BICRAL: variants seen among roughly 807,000 people sequenced by gnomAD.
BICRAL encodes BRD4-interacting chromatin-remodeling complex-associated protein-like.
BICRAL carries 8 observed loss-of-function variants against 91.8 expected under a neutral mutation model. The ratio of observed to expected loss-of-function variants is 0.09; its 90% CI spans 0.05 to 0.16. The LOEUF is 0.16. Among genes scored for constraint, BICRAL ranks in the 10% least tolerant of loss-of-function variants. The pLI is 1.00. For synonymous variants in BICRAL, 445 were observed against 491.1 expected, an observed-to-expected ratio of 0.91 and a Z score of 1.24; for missense variants, 1,038 against 1,310.9, an observed-to-expected ratio of 0.79 and a Z score of 3.21.
At position 42,853,778 on chromosome 6, in the gene BICRAL, A is replaced by T. The variant is rs536185129; in HGVS notation, c.2046+40A>T. On this transcript the variant is annotated intron_variant, in intron 8 of 12. Coordinates refer to ENST00000314073, the MANE Select transcript of BICRAL (RefSeq NM_001393499.1). The stretch of plus-strand genomic sequence containing the variant: ...GCATAGCCTCTTCCTAATGTTCGGC[A>T]TAATTGAATGAAAATGTAGTCGTGC... The T allele has an allele frequency of 5.9e-6, 8 of 1,365,442 alleles. No individual in the cohort carries two copies. In the South Asian group the frequency reaches 8.1e-5, roughly 14 times the overall value. 84.6% of individuals were successfully genotyped at this position (1,365,442 alleles called of 1,614,324 possible). A position where few individuals can be genotyped will look rare whatever the true frequency, so the allele number is the denominator to read the frequency against.
chr6:42,853,616 T>C, intron 7 of BICRAL, 22 bp from the exon 8 acceptor site: 1 of 1,551,608 alleles, frequency 6.4e-7, no homozygotes, highest in Non-Finnish European at 8.9e-7. Context: ...TTGAACACTG[T>C]CTCATGTATT....
Position 42,760,185 on chromosome 6 carries a change from G to A in BICRAL, c.-261+13162G>A, listed in dbSNP as rs558858221. On this transcript the variant is annotated intron_variant, in intron 1 of 14. Transcript: ENST00000614467. ...ACTGAACCTGGGAGGCGGAGGTTGCGGTGAGCTGAGGTTGCGGTGAGCTGA... is the reference window on the plus strand; with the variant it reads ...ACTGAACCTGGGAGGCGGAGGTTGCAGTGAGCTGAGGTTGCGGTGAGCTGA... Among the ~76,000 whole-genome samples, 283 of 151,894 alleles carry A rather than the reference G, an allele frequency of 1.9e-3. 1 individual carries two copies. The highest frequency in any genetic ancestry group is 3.4e-3 in the Middle Eastern group (1 of 294).
intron 1 of BICRAL, among the ~76,000 whole-genome samples, chr6:42,798,447 A>C (rs1248333753): frequency 6.6e-6 from 1 of 152,202 alleles, no homozygotes; most frequent in African/African-American, 2.4e-5. Context: ...CTGTAATCCC[A>C]GTACTTTGGT....
chr6:42,803,100 A>G (rs1387231838), intron 1 of BICRAL, among the ~76,000 whole-genome samples: 3 of 152,214 alleles, frequency 2.0e-5, no homozygotes, highest in African/African-American at 7.2e-5. Context: ...CAACTTAGAC[A>G]TTTACTTCCG....
Position 42,861,630 on chromosome 6 carries a change from A to G in BICRAL, c.2350-880A>G, listed in dbSNP as rs1316831877. On this transcript the variant is annotated intron_variant, in intron 11 of 12. Transcript: ENST00000314073. Reference sequence around the variant, plus strand: ...CTTGGGAGATTGGTTGAGCTATATTATACACATATACAACATAGAGTAAAT... The same window carrying G: ...CTTGGGAGATTGGTTGAGCTATATTGTACACATATACAACATAGAGTAAAT... Among the ~76,000 whole-genome samples, 4 of 152,346 alleles carry G rather than the reference A, an allele frequency of 2.6e-5. No homozygotes were observed. In the East Asian group the frequency reaches 5.8e-4, roughly 22 times the overall value.
chr6:42,864,988 C>A lies in BICRAL; in HGVS notation c.2782C>A (p.Leu928Met). The change falls in exon 13 of 13, where the codon CTG (leucine) becomes ATG (methionine). Residue 928 changes from leucine (L) to methionine (M), a missense_variant. Leu to Met is a conservative substitution (Grantham distance 15). Transcript: ENST00000314073. ...SEEKASRREP[L>M]KASQCSPGPE... Reference sequence around the variant, plus strand: ...AGAGAAGGCCAGCCGGAGAGAGCCTCTGAAGGCCAGTCAGTGCTCTCCCGG... The same window carrying A: ...AGAGAAGGCCAGCCGGAGAGAGCCTATGAAGGCCAGTCAGTGCTCTCCCGG... 1 of 1,614,108 alleles carries A rather than the reference C, an allele frequency of 6.2e-7. No individual in the cohort carries two copies. Among genetic ancestry groups the A allele is most frequent in the Non-Finnish European group, 8.5e-7 (1 of 1,180,030 alleles).
intron 1 of BICRAL, among the ~76,000 whole-genome samples, chr6:42,793,559 G>A (rs796892838): frequency 2.0e-5 from 3 of 151,576 alleles, no homozygotes; most frequent in African/African-American, 4.8e-5. Flanking sequence ...AAAGTGCTGG[G>A]ATTACAGGCG....
intron 1 of BICRAL, among the ~76,000 whole-genome samples, chr6:42,788,049 A>G (rs1763152319): frequency 6.6e-6 from 1 of 151,942 alleles, no homozygotes; most frequent in Non-Finnish European, 1.5e-5. Context: ...GGTGTGCACC[A>G]CTGTAACCCA....
chr6:42,757,133 G>A (rs1021768059), intron 1 of BICRAL, among the ~76,000 whole-genome samples: 65 of 152,084 alleles, frequency 4.3e-4, no homozygotes, highest in African/African-American at 1.5e-3. Flanking sequence ...TTCAAGGGAA[G>A]GAGAAATGGA....
chr6:42,813,825 C>G (rs1430232826), intron 2 of BICRAL, among the ~76,000 whole-genome samples: 4 of 151,998 alleles, frequency 2.6e-5, no homozygotes, highest in Non-Finnish European at 5.9e-5. Flanking sequence ...CCATCTCACA[C>G]TCTTTAAAGA....
At chr6:42,854,472 C>G (rs1454731443) in intron 8 of BICRAL, among the ~76,000 whole-genome samples, 2 of 152,140 alleles carry the variant, frequency 1.3e-5, no homozygotes, top group African/African-American at 4.8e-5. Context: ...GTGTGAGCCA[C>G]TGTGCCCTGT....
At chr6:42,845,171 T>TTC (rs1764958302) in intron 6 of BICRAL, among the ~76,000 whole-genome samples, 1 of 145,970 alleles carries the variant, frequency 6.9e-6, no homozygotes, top group Non-Finnish European at 1.5e-5. Context: ...TTCGGCTGCC[T>TTC]TCTCTGTTTT....
In BICRAL at chr6:42,833,915, T is replaced by C. The variant is rs143389156; in HGVS notation, c.1839+3743T>C. Reference sequence around the variant, plus strand: ...TGTTGCCCAGGCTGGAGTGCAATGGTGCAATCTCAGCTCACTGCAACCTCT... The same window carrying C: ...TGTTGCCCAGGCTGGAGTGCAATGGCGCAATCTCAGCTCACTGCAACCTCT... On this transcript the variant is annotated intron_variant, in intron 6 of 12. Coordinates refer to ENST00000314073, the MANE Select transcript of BICRAL (RefSeq NM_001393499.1). Among the ~76,000 whole-genome samples the C allele has an allele frequency of 6.3e-3, 961 of 152,112 alleles. 53 individuals are homozygous for C. The East Asian group carries it at 0.13, about 20-fold the overall frequency.
chr6:42,843,514 G>C (rs1342939648), intron 6 of BICRAL, among the ~76,000 whole-genome samples: 1 of 152,166 alleles, frequency 6.6e-6, no homozygotes, highest in East Asian at 1.9e-4. Flanking sequence ...AAGATGACGA[G>C]ACATGAATGG....
At chr6:42,864,617 C>T (rs370192656) in intron 12 of BICRAL, 42 bp from the exon 13 acceptor site, 1 of 1,542,280 alleles carries the variant, frequency 6.5e-7, no homozygotes, top group Non-Finnish European at 8.9e-7. Context: ...AGTCTGTCCT[C>T]TCCCAATCAC....
At chr6:42,845,138 G>T (rs1481084650) in intron 6 of BICRAL, among the ~76,000 whole-genome samples, 1 of 136,782 alleles carries the variant, frequency 7.3e-6, no homozygotes, top group Non-Finnish European at 1.5e-5. Flanking sequence ...TGGTAAATTT[G>T]AGATAAAGAC....
chr6:42,769,771 A>G (rs1762692340), intron 1 of BICRAL, among the ~76,000 whole-genome samples: 1 of 152,042 alleles, frequency 6.6e-6, no homozygotes, highest in South Asian at 2.1e-4. Flanking sequence ...TTTGTCTAGA[A>G]TTTTTTTTGT....
chr6:42,826,793 GT>G (rs11422654), intron 5 of BICRAL, among the ~76,000 whole-genome samples: 5 of 146,220 alleles, frequency 3.4e-5, no homozygotes, highest in Admixed American at 6.8e-5. Context: ...TTGTTTGTTT[GT>G]TTTTTTTTTG....
At chr6:42,772,527 T>C (rs1424883914) in intron 1 of BICRAL, among the ~76,000 whole-genome samples, 1 of 152,172 alleles carries the variant, frequency 6.6e-6, no homozygotes, top group Admixed American at 6.5e-5. Context: ...GCTCGAGATG[T>C]GCCTGGGGAG....
Sources: gnomAD v4.1 joint callset for allele counts (sites outside exome capture counted in the v4.1 genomes callset) on GRCh38, gnomAD v4.1.1 for gene constraint, MANE v1.5 for transcripts, NCBI Gene and HGNC (gene_info 2026-07-23, HGNC 2026-07-21) for gene names.